The following TUBGCP3 variants were observed in gnomAD, a reference collection of about 807,000 sequenced individuals.
The protein encoded by TUBGCP3 is tubulin gamma complex component 3.
In TUBGCP3, 50 loss-of-function variants were observed where a neutral mutation model predicts 123.1. The ratio of observed to expected loss-of-function variants is 0.41; its 90% confidence interval spans 0.32 to 0.51. TUBGCP3 has a LOEUF of 0.51. TUBGCP3 is among the 20% of genes least tolerant of loss of function. The pLI is 0.36. For missense variants in TUBGCP3, 882 were observed against 1,127.0 expected (o/e 0.78, Z 3.11); for synonymous variants, 405 against 413.9 (o/e 0.98, Z 0.26).
At chr13:112,579,515 G>A (rs543058244) in intron 1 of TUBGCP3, among the ~76,000 whole-genome samples, 1 of 150,930 alleles carries the variant, frequency 6.6e-6, no homozygotes, top group Non-Finnish European at 1.5e-5. Flanking sequence ...GAGTGTCAGG[G>A]GGCCACGGCA....
chr13:112,566,736 A>C (rs1880977882), intron 2 of TUBGCP3, among the ~76,000 whole-genome samples: 3 of 152,234 alleles, frequency 2.0e-5, no homozygotes, highest in Non-Finnish European at 4.4e-5. Context: ...CAGCACAATA[A>C]AATAAGAATA....
intron 13 of TUBGCP3, among the ~76,000 whole-genome samples, chr13:112,522,964 G>A (rs886978019): frequency 6.6e-6 from 1 of 152,164 alleles, no homozygotes; most frequent in East Asian, 1.9e-4. Context: ...TGAACTCTAC[G>A]GAGATTGGTG....
chr13:112,491,713 T>C (rs115748808), intron 20 of TUBGCP3, among the ~76,000 whole-genome samples: 2 of 152,204 alleles, frequency 1.3e-5, no homozygotes, highest in African/African-American at 4.8e-5. Context: ...CTCCAACTCC[T>C]GGGCTCAAGC....
chr13:112,528,289 C>CGT (rs1877298995), intron 11 of TUBGCP3, among the ~76,000 whole-genome samples: 1 of 152,204 alleles, frequency 6.6e-6, no homozygotes, highest in African/African-American at 2.4e-5. Context: ...AAAAGCACAA[C>CGT]TGCTGAATTA....
chr13:112,547,394 G>A lies in TUBGCP3; in HGVS notation c.1168+226C>T, dbSNP rs117775880. The stretch of plus-strand genomic sequence containing the variant: ...CGTCCCCTCTTGGCTCCCATCTGTC[G>A]ATTCCTATCGAATCAACACGGCCAT... On this transcript the variant is annotated intron_variant, in intron 10 of 21. Coordinates refer to ENST00000261965, the MANE Select transcript of TUBGCP3 (RefSeq NM_006322.6). 2.6e-3 allele frequency: 1,718 copies of A among 665,918 alleles called. 21 individuals are homozygous for A. The highest frequency in any genetic ancestry group is 0.024 in the East Asian group (699 of 29,426). 41.3% of individuals were successfully genotyped at this position (665,918 alleles called of 1,614,324 possible). A position where few individuals can be genotyped will look rare whatever the true frequency, so the allele number is the denominator to read the frequency against.
intron 1 of TUBGCP3, among the ~76,000 whole-genome samples, chr13:112,579,476 C>T (rs1158297206): frequency 4.9e-5 from 7 of 142,884 alleles, no homozygotes; most frequent in East Asian, 2.1e-4. Context: ...CGCGGGGCCA[C>T]GGCATCCCCG....
chr13:112,498,743 A>C lies in TUBGCP3; in HGVS notation c.2448+302T>G, dbSNP rs1041993090. ...TGATGCAGAGCGGAGGCAGCTGTGGAGATTCCGACGGGTGACATCGGCATT... is the reference window on the plus strand; with the variant it reads ...TGATGCAGAGCGGAGGCAGCTGTGGCGATTCCGACGGGTGACATCGGCATT... On this transcript the variant is annotated intron_variant, in intron 20 of 21. Transcript: ENST00000261965. 5.6e-5 allele frequency: 84 copies of C among 1,505,824 alleles called. No homozygotes were observed. In the African/African-American group the frequency reaches 1.1e-3, roughly 19 times the overall value. 93.3% of individuals were successfully genotyped at this position (1,505,824 alleles called of 1,614,324 possible).
intron 2 of TUBGCP3, among the ~76,000 whole-genome samples, chr13:112,568,511 C>T (rs935475654): frequency 1.3e-5 from 2 of 152,094 alleles, no homozygotes; most frequent in African/African-American, 4.8e-5. Flanking sequence ...TACTGAGACC[C>T]ACAGCCAAAT....
intron 1 of TUBGCP3, among the ~76,000 whole-genome samples, chr13:112,576,324 G>T (rs1228260521): frequency 1.3e-5 from 2 of 152,140 alleles, no homozygotes; most frequent in East Asian, 3.9e-4. Flanking sequence ...CTTTCAAGGG[G>T]TTGCAGTAGA....
chr13:112,547,324 C>T (rs1020941468), intron 10 of TUBGCP3: 11 of 409,110 alleles, frequency 2.7e-5, no homozygotes, highest in African/African-American at 2.0e-4. Flanking sequence ...AATGCCAGCC[C>T]GAGCTTCTAC....
At chr13:112,601,932 C>T in the TUBGCP3 span, among the ~76,000 whole-genome samples, 1 of 152,230 alleles carries the variant, frequency 6.6e-6, no homozygotes, top group Non-Finnish European at 1.5e-5. Context: ...GATGTCACTG[C>T]TGTTTTCATA....
At chr13:112,487,124 GGAA>G (rs541854591) in intron 21 of TUBGCP3, among the ~76,000 whole-genome samples, 267 of 151,628 alleles carry the variant, frequency 1.8e-3, no homozygotes, top group Non-Finnish European at 3.1e-3. Flanking sequence ...TTTAGGTGAG[GGAA>G]GAAGAACACG....
At chr13:112,506,519 GCTGCCCTCAGACCTGTGACAT>G (rs1364544032) in intron 17 of TUBGCP3, among the ~76,000 whole-genome samples, 1 of 152,202 alleles carries the variant, frequency 6.6e-6, no homozygotes, top group African/African-American at 2.4e-5. Flanking sequence ...AAGAGACCCA[GCTGCCCTCAGACCTGTGACAT>G]CTGCCGAGCA....
At chr13:112,556,826 A>G (rs1157731708) in intron 5 of TUBGCP3, among the ~76,000 whole-genome samples, 1 of 152,220 alleles carries the variant, frequency 6.6e-6, no homozygotes, top group Non-Finnish European at 1.5e-5. Context: ...GACTATGTCA[A>G]AGTTGTTTTT....
At chr13:112,521,518 G>T in intron 14 of TUBGCP3, 1 of 241,580 alleles carries the variant, frequency 4.1e-6, no homozygotes, top group Non-Finnish European at 6.7e-6. Flanking sequence ...CTCTGAAGTG[G>T]GCCCACAAGC....
At chr13:112,560,067 G>A (rs1485536332) in intron 3 of TUBGCP3, among the ~76,000 whole-genome samples, 1 of 151,186 alleles carries the variant, frequency 6.6e-6, no homozygotes, top group South Asian at 2.1e-4. Flanking sequence ...CTGGGAAGCA[G>A]AGGTTGCAGT....
At chr13:112,563,384 G>A (rs527323048) in intron 3 of TUBGCP3, among the ~76,000 whole-genome samples, 3 of 152,104 alleles carry the variant, frequency 2.0e-5, no homozygotes, top group Non-Finnish European at 2.9e-5. Context: ...TGGTTTAATC[G>A]TTGGTCTTAT....
intron 3 of TUBGCP3, among the ~76,000 whole-genome samples, chr13:112,563,893 C>A (rs1880741824): frequency 6.7e-6 from 1 of 150,170 alleles, no homozygotes; most frequent in Non-Finnish European, 1.5e-5. Flanking sequence ...AAAAAAGTGT[C>A]TAAATATGTT....
rs1437834465 is a variant in TUBGCP3, at chr13:112,511,464, T to G, written c.2086+4976A>C. The stretch of plus-strand genomic sequence containing the variant: ...CAGGGTGGATCCAGGGTGTAATCTT[T>G]TTGAAGGCAATGAACCGCAGCTGGG... On this transcript the variant is annotated intron_variant, in intron 17 of 21. Transcript: ENST00000261965. This position sits in a 1 kb window ranked among gnomAD's most constrained non-coding sequence, Gnocchi z 4.1. 6.6e-6 allele frequency among the ~76,000 whole-genome samples: 1 copy of G among 152,176 alleles called. No homozygotes were observed. The highest frequency in any genetic ancestry group is 1.5e-5 in the Non-Finnish European group (1 of 68,032).
Sources: allele counts gnomAD v4.1 joint callset (sites outside exome capture counted in the v4.1 genomes callset), GRCh38; gene constraint gnomAD v4.1.1; non-coding constraint Gnocchi (gnomAD v3.1); transcripts MANE v1.5; gene names NCBI Gene and HGNC (gene_info 2026-07-23, HGNC 2026-07-21).